The following HDAC9 variants were observed in gnomAD, a reference collection of about 807,000 sequenced individuals.
The protein encoded by HDAC9 is MEF-2 interacting transcription repressor (MITR) protein.
Under a neutral mutation model 139.4 loss-of-function variants are expected in HDAC9, and 41 were observed. The ratio of observed to expected loss-of-function variants is 0.29; its 90% confidence interval spans 0.23 to 0.38. The LOEUF (loss-of-function observed/expected upper bound fraction) is 0.38. Among genes scored for constraint, HDAC9 ranks in the 10% least tolerant of loss-of-function variants. The pLI is 1.00. For synonymous variants in HDAC9, 517 were observed against 476.2 expected (o/e 1.09, Z -1.12); for missense variants, 1,147 against 1,297.0 (o/e 0.88, Z 1.78).
intron 12 of HDAC9, among the ~76,000 whole-genome samples, chr7:18,717,546 C>G (rs1437427601): frequency 2.0e-5 from 3 of 151,850 alleles, no homozygotes; most frequent in Admixed American, 1.3e-4. Flanking sequence ...ATTCTCCTGC[C>G]TCAGCTTCCC....
chr7:18,470,555 T>G (rs913523762), intron 1 of HDAC9, among the ~76,000 whole-genome samples: 1 of 152,024 alleles, frequency 6.6e-6, no homozygotes, highest in African/African-American at 2.4e-5. Context: ...AAGGCAGGAG[T>G]TGGCAAACGT....
intron 2 of HDAC9, among the ~76,000 whole-genome samples, chr7:18,546,880 G>T (rs75647021): frequency 6.6e-6 from 1 of 152,034 alleles, no homozygotes; most frequent in Admixed American, 6.5e-5. Flanking sequence ...TAGAGACCCC[G>T]TGGATAATCA....
chr7:18,867,171 G>C (rs1236565432), intron 21 of HDAC9, among the ~76,000 whole-genome samples: 1 of 151,974 alleles, frequency 6.6e-6, no homozygotes, highest in Non-Finnish European at 1.5e-5. Context: ...GAAGGAAGAG[G>C]GTTGTTCTTC....
intron 17 of HDAC9, among the ~76,000 whole-genome samples, chr7:18,800,441 A>C (rs774262323): frequency 1.3e-5 from 2 of 152,196 alleles, no homozygotes; most frequent in Non-Finnish European, 1.5e-5. Flanking sequence ...GATGAGTTTG[A>C]CAATAATTAA....
At chr7:18,473,893 T>C (rs1794915919) in intron 1 of HDAC9, among the ~76,000 whole-genome samples, 1 of 152,206 alleles carries the variant, frequency 6.6e-6, no homozygotes, top group East Asian at 1.9e-4. Flanking sequence ...AGCTGTACAG[T>C]AAATAATGCT....
intron 1 of HDAC9, among the ~76,000 whole-genome samples, chr7:18,401,746 T>C (rs551384448): frequency 4.0e-4 from 61 of 152,220 alleles, no homozygotes; most frequent in Non-Finnish European, 6.8e-4. Context: ...CATATTCTGC[T>C]ACGTACAGCT....
At chr7:18,220,148 A>G (rs1306639608) in intron 2 of HDAC9, among the ~76,000 whole-genome samples, 2 of 152,240 alleles carry the variant, frequency 1.3e-5, no homozygotes, top group Middle Eastern at 3.2e-3. Flanking sequence ...TCACAAGACC[A>G]TAACAAAATG....
intron 14 of HDAC9, among the ~76,000 whole-genome samples, chr7:18,759,842 T>G (rs1335327072): frequency 6.6e-6 from 1 of 152,156 alleles, no homozygotes; most frequent in Admixed American, 6.6e-5. Context: ...GCAAAGGTGT[T>G]GGACAAGCAT....
intron 2 of HDAC9, among the ~76,000 whole-genome samples, chr7:18,171,533 A>T (rs1293207159): frequency 6.6e-6 from 1 of 152,180 alleles, no homozygotes; most frequent in African/African-American, 2.4e-5. Flanking sequence ...CAGTTTTCAA[A>T]GGGAATGCTT....
intron 1 of HDAC9, among the ~76,000 whole-genome samples, chr7:18,102,906 A>G (rs924360850): frequency 6.6e-6 from 1 of 152,210 alleles, no homozygotes; most frequent in East Asian, 1.9e-4. Context: ...GGATGCCAGC[A>G]CTTTAAGAAT....
chr7:18,921,474 A>G (rs1004289744), intron 22 of HDAC9, among the ~76,000 whole-genome samples: 1 of 152,230 alleles, frequency 6.6e-6, no homozygotes, highest in Non-Finnish European at 1.5e-5. Flanking sequence ...CACACATGAA[A>G]AAATGCTCAT....
chr7:18,187,029 G>T (rs930200594), intron 2 of HDAC9, among the ~76,000 whole-genome samples: 1 of 152,198 alleles, frequency 6.6e-6, no homozygotes, highest in African/African-American at 2.4e-5. Context: ...ATTAGTTACT[G>T]CCTAATGGGC....
chr7:18,411,666 T>C (rs960497032), intron 1 of HDAC9, among the ~76,000 whole-genome samples: 6 of 151,730 alleles, frequency 4.0e-5, no homozygotes, highest in Non-Finnish European at 7.4e-5. Flanking sequence ...TAAGCCACTG[T>C]GCCCAGCTAG....
rs568550830 is a variant in HDAC9, at chr7:18,138,175, A to G, written c.-96-24054A>G. 3.3e-5 allele frequency among the ~76,000 whole-genome samples: 5 copies of G among 151,972 alleles called. No individual in the cohort carries two copies. In the East Asian group the frequency reaches 9.7e-4, roughly 29 times the overall value. ...TATCCCCTTTATCATTTTTTATTGCATCTATTTGATTCTTCTCTCTTTTTT... is the reference window on the plus strand; with the variant it reads ...TATCCCCTTTATCATTTTTTATTGCGTCTATTTGATTCTTCTCTCTTTTTT... On this transcript the variant is annotated intron_variant, in intron 1 of 12. Transcript: ENST00000417496.
At chr7:18,233,970 T>C (rs1793647709) in intron 2 of HDAC9, among the ~76,000 whole-genome samples, 1 of 152,158 alleles carries the variant, frequency 6.6e-6, no homozygotes, top group African/African-American at 2.4e-5. Context: ...TCTGCATCAA[T>C]TACATTCATA....
At chr7:18,889,438 AT>A (rs71525672) in intron 22 of HDAC9, among the ~76,000 whole-genome samples, 2 of 150,768 alleles carry the variant, frequency 1.3e-5, no homozygotes, top group East Asian at 3.9e-4. Context: ...GTATGGAGTG[AT>A]TTAAAAAAAA....
intron 11 of HDAC9, among the ~76,000 whole-genome samples, chr7:18,659,962 C>G (rs1792607112): frequency 6.6e-6 from 1 of 152,124 alleles, no homozygotes; most frequent in Admixed American, 6.6e-5. Context: ...CATCTGGGGC[C>G]ACTCAGTGAC....
intron 2 of HDAC9, among the ~76,000 whole-genome samples, chr7:18,499,522 AGGGT>A (rs1252687994): frequency 2.0e-5 from 3 of 152,070 alleles, no homozygotes; most frequent in Non-Finnish European, 4.4e-5. Context: ...TGTGTGGGCC[AGGGT>A]AAGTGATAAC....
chr7:18,243,447 G>A (rs531623241), intron 2 of HDAC9, among the ~76,000 whole-genome samples: 35 of 152,186 alleles, frequency 2.3e-4, no homozygotes, highest in Admixed American at 8.5e-4. Flanking sequence ...GCTTTACCTG[G>A]GCATGGAGAA....
Sources: gnomAD v4.1 joint callset for allele counts (sites outside exome capture counted in the v4.1 genomes callset) on GRCh38, gnomAD v4.1.1 for gene constraint, MANE v1.5 for transcripts, NCBI Gene and HGNC (gene_info 2026-07-23, HGNC 2026-07-21) for gene names.